Variants in CAPN7 observed in about 807,000 individuals in gnomAD.
The protein encoded by CAPN7 is calpain-7.
Under a neutral mutation model 115.2 loss-of-function variants are expected in CAPN7, and 72 were observed. The observed-to-expected ratio is 0.63, with a 90% CI of 0.52 to 0.76. The LOEUF (loss-of-function observed/expected upper bound fraction) is 0.76. CAPN7 is among the 30% of genes least tolerant of loss of function. CAPN7 has a pLI of 0.00. For missense variants in CAPN7, 905 were observed against 971.5 expected, an observed-to-expected ratio of 0.93 and a Z score of 0.91; for synonymous variants, 344 against 322.3, an observed-to-expected ratio of 1.07 and a Z score of -0.72.
intron 19 of CAPN7, among the ~76,000 whole-genome samples, chr3:15,250,391 G>A (rs1320790160): frequency 1.3e-5 from 2 of 150,908 alleles, no homozygotes; most frequent in African/African-American, 2.4e-5. Context: ...AAAAGAGGTC[G>A]GGCGCAGTGG....
rs745651342 is a variant in CAPN7 at position 15,245,538 on chromosome 3, C to T, written c.1877C>T (p.Pro626Leu). 30 of 1,613,574 alleles carry T rather than the reference C, an allele frequency of 1.9e-5. No homozygotes were observed. The East Asian group carries it at 2.5e-4, about 13-fold the overall frequency. The change falls in exon 17 of 21, where the codon CCA becomes CTA. Residue 626 changes from proline (P) to leucine (L), a missense_variant. Pro to Leu is a moderately conservative substitution (Grantham distance 98). Coordinates refer to ENST00000253693, the MANE Select transcript of CAPN7 (RefSeq NM_014296.3). ...KKVYYPADPP[P>L]YIDGIRINSP... The stretch of plus-strand genomic sequence containing the variant: ...TGTTTGTTTGCAGCTGACCCACCTC[C>T]ATACATTGATGGAATTCGAATTAAC...
chr3:15,206,594 C>A lies in CAPN7; in HGVS notation c.99C>A (p.Tyr33Ter), dbSNP rs776470320. ...GCTACTCCGAGGCGGTGTTTTATTA[C>A]AAGGTAGGGCCGGGCCCGGCGCTTC... ...EGRYSEAVFY[Y>*]KEAAQALIYA... is the part of the protein sequence containing the mutation. The change falls in exon 1 of 21, where the codon TAC (tyrosine) becomes TAA (stop). Residue 33 changes from tyrosine (Y) to a stop codon, truncating the protein, a stop_gained. Coordinates refer to ENST00000253693, the MANE Select transcript of CAPN7 (RefSeq NM_014296.3). LOFTEE classifies it high-confidence loss of function. 1.9e-6 allele frequency: 3 copies of A among 1,545,412 alleles called. No homozygotes were observed. Among genetic ancestry groups the A allele is most frequent in the Non-Finnish European group, 2.6e-6 (3 of 1,144,586 alleles).
rs185485067 is a variant in CAPN7, at chr3:15,250,938, A to G, written c.2212A>G (p.Ser738Gly). 4.2e-5 allele frequency: 68 copies of G among 1,604,084 alleles called. No individual in the cohort carries two copies. The Middle Eastern group carries it at 6.6e-4, about 16-fold the overall frequency. The change falls in exon 20 of 21, where the codon AGC (serine) becomes GGC (glycine). Residue 738 changes from serine to glycine, a missense_variant. By Grantham distance (56) the Ser-to-Gly change is moderately conservative (BLOSUM62 0). Around this residue, in one of 3 missense-constraint regions of CAPN7, gnomAD observed 620 missense variants for 703.4 expected, o/e 0.88. Transcript: ENST00000253693. Reference protein sequence around the residue: ...LIELRGPRQYSVGFEVVTVST... With the variant: ...LIELRGPRQYGVGFEVVTVST... Reference sequence around the variant, plus strand: ...GTTCATTTTAAATGCTAGGCAATATAGCGTTGGATTTGAGGTTGTAACAGT... The same window carrying G: ...GTTCATTTTAAATGCTAGGCAATATGGCGTTGGATTTGAGGTTGTAACAGT...
At chr3:15,233,780 G>C in intron 10 of CAPN7, 87 bp from the exon 11 acceptor site, 1 of 730,496 alleles carries the variant, frequency 1.4e-6, no homozygotes. Context: ...AAATCATTAT[G>C]CCAAATCAGT....
chr3:15,235,033 A>T lies in CAPN7; in HGVS notation c.1295A>T (p.Lys432Ile). 3.1e-6 allele frequency: 5 copies of T among 1,606,404 alleles called. No homozygotes were observed. Among genetic ancestry groups the T allele is most frequent in the Non-Finnish European group, 4.2e-6 (5 of 1,177,822 alleles). The change falls in exon 12 of 21, where the codon AAA becomes ATA. Residue 432 changes from lysine to isoleucine, a missense_variant. Lys to Ile is a moderately radical substitution (Grantham distance 102). Transcript: ENST00000253693. ...TTTGGGGTTCATTCCAGATTTCACA[A>T]AGGAGATGTCCTCATCACTGCGTCA... ...SFRMLYQRFH[K>I]GDVLITASTG...
At position 15,245,667 on chromosome 3, in the gene CAPN7, T is replaced by C. The variant is rs1272466534; in HGVS notation, c.2006T>C (p.Val669Ala). The part of the protein sequence containing the change: ...YEKQNTIHYT[V>A]RVYSACSFTF... ...AAACAGAACACAATCCATTACACGG[T>C]TCGGGTAAGTAAAACCAACACACAA... Residue 669 changes from valine (V) to alanine (A), a missense_variant, in exon 17 of 21, where the codon GTT (valine) becomes GCT (alanine). Transcript: ENST00000253693. The C allele has an allele frequency of 2.0e-5, 32 of 1,612,266 alleles. No homozygotes were observed. The Admixed American group carries it at 5.2e-4, about 26-fold the overall frequency.
At position 15,212,182 on chromosome 3, in the gene CAPN7, C is replaced by G; in HGVS notation, c.181C>G (p.Leu61Val). The G allele has an allele frequency of 1.9e-6, 3 of 1,607,876 alleles. No homozygotes were observed. The highest frequency in any genetic ancestry group is 1.7e-6 in the Non-Finnish European group (2 of 1,175,622). Reference protein sequence around the residue: ...ENIQEKITEYLERVQALHSAV... With the variant: ...ENIQEKITEYVERVQALHSAV... The stretch of plus-strand genomic sequence containing the variant: ...TATTCAAGAAAAAATAACTGAGTAT[C>G]TGGAAAGAGTTCAAGCTCTACATTC... Residue 61 changes from leucine (L) to valine (V), a missense_variant, in exon 2 of 21, where the codon CTG (leucine) becomes GTG (valine). Leu to Val is a conservative substitution (Grantham distance 32). Coordinates refer to ENST00000253693, the MANE Select transcript of CAPN7 (RefSeq NM_014296.3).
At position 15,241,605 on chromosome 3, in the gene CAPN7, A is replaced by G. The variant is rs896698416; in HGVS notation, c.1788+17A>G. On this transcript the variant is annotated intron_variant, in intron 15 of 20. Coordinates refer to ENST00000253693, the MANE Select transcript of CAPN7 (RefSeq NM_014296.3). ...ACAGACAAGGTACTGATACCCTTCT[A>G]ATGATATCCCATACAGAAATTTTTT... 1 of 1,605,382 alleles carries G rather than the reference A, an allele frequency of 6.2e-7. No homozygotes were observed. Among genetic ancestry groups the G allele is most frequent in the Non-Finnish European group, 8.5e-7 (1 of 1,175,346 alleles).
intron 2 of CAPN7, among the ~76,000 whole-genome samples, chr3:15,213,913 T>C (rs1174696501): frequency 6.6e-6 from 1 of 151,414 alleles, no homozygotes; most frequent in African/African-American, 2.4e-5. Flanking sequence ...GGAGTCTCGT[T>C]CTGTCTTCCA....
chr3:15,211,863 C>G (rs189556678), intron 1 of CAPN7, among the ~76,000 whole-genome samples: 1 of 152,170 alleles, frequency 6.6e-6, no homozygotes, highest in East Asian at 1.9e-4. Context: ...GCACTCCAGC[C>G]TGGGTGACAG....
chr3:15,227,641 G>T (rs1220360992), intron 6 of CAPN7, among the ~76,000 whole-genome samples, 198 bp from the exon 7 acceptor site: 2 of 151,524 alleles, frequency 1.3e-5, no homozygotes, highest in Non-Finnish European at 2.9e-5. Context: ...AATTATTTAG[G>T]TATATTTTTT....
At chr3:15,214,447 G>A (rs1335782707) in intron 2 of CAPN7, among the ~76,000 whole-genome samples, 1 of 152,058 alleles carries the variant, frequency 6.6e-6, no homozygotes, top group Non-Finnish European at 1.5e-5. Flanking sequence ...GTATAGGCCG[G>A]CACAGTGGCT....
chr3:15,210,340 A>G (rs970450039), intron 1 of CAPN7, among the ~76,000 whole-genome samples: 1 of 152,180 alleles, frequency 6.6e-6, no homozygotes, highest in Non-Finnish European at 1.5e-5. Context: ...TGAAGGGGCA[A>G]TATATGTGTA....
intron 19 of CAPN7, among the ~76,000 whole-genome samples, chr3:15,249,834 G>C (rs1017455249): frequency 2.7e-4 from 40 of 149,844 alleles, no homozygotes; most frequent in Non-Finnish European, 3.4e-4. Context: ...GTGTGATCTC[G>C]GCTCACTGCA....
chr3:15,212,170 A>G lies in CAPN7; in HGVS notation c.169A>G (p.Ile57Val), dbSNP rs760334490. ...GSSLENIQEK[I>V]TEYLERVQAL... ...AAGCCTAGAAAATATTCAAGAAAAA[A>G]TAACTGAGTATCTGGAAAGAGTTCA... Residue 57 changes from isoleucine (I) to valine (V), a missense_variant, in exon 2 of 21, where the codon ATA becomes GTA. Physicochemically the swap from Ile to Val is conservative, Grantham distance 29. This residue lies in a region of CAPN7 where 271 missense variants were observed against 239.6 expected (regional missense o/e 1.13). Transcript: ENST00000253693. 3.1e-6 allele frequency: 5 copies of G among 1,610,486 alleles called. No individual in the cohort carries two copies. The highest frequency in any genetic ancestry group is 4.2e-6 in the Non-Finnish European group (5 of 1,177,820).
chr3:15,250,882 G>A (rs368125628), intron 19 of CAPN7, 49 bp from the exon 20 acceptor site: 22 of 1,300,692 alleles, frequency 1.7e-5, no homozygotes, highest in South Asian at 6.2e-5. Flanking sequence ...TTTAAATCAC[G>A]TTTGAGAATA....
chr3:15,245,619 C>G lies in CAPN7; in HGVS notation c.1958C>G (p.Thr653Arg), dbSNP rs1310341171. 2 of 1,613,832 alleles carry G rather than the reference C, an allele frequency of 1.2e-6. No individual in the cohort carries two copies. The highest frequency in any genetic ancestry group is 8.5e-7 in the Non-Finnish European group (1 of 1,179,924). The change falls in exon 17 of 21, where the codon ACA becomes AGA. Residue 653 changes from threonine (T) to arginine (R), a missense_variant. Physicochemically the swap from Thr to Arg is moderately conservative, Grantham distance 71 (BLOSUM62 -1). Transcript: ENST00000253693. Reference sequence around the variant, plus strand: ...ACCACACCTGGCACCCATACCTTTACATTAGTGGTTTCTCAATATGAAAAA... The same window carrying G: ...ACCACACCTGGCACCCATACCTTTAGATTAGTGGTTTCTCAATATGAAAAA... ...KLTTPGTHTF[T>R]LVVSQYEKQN...
At chr3:15,234,993 C>CT (rs1694903756) in intron 11 of CAPN7, 32 bp from the exon 12 acceptor site, 12 of 1,581,364 alleles carry the variant, frequency 7.6e-6, no homozygotes, top group Non-Finnish European at 9.4e-6. Flanking sequence ...ATGTGTTTTA[C>CT]TTTAATTAAT....
At chr3:15,243,382 G>A (rs1383107723) in intron 16 of CAPN7, among the ~76,000 whole-genome samples, 1 of 152,196 alleles carries the variant, frequency 6.6e-6, no homozygotes, top group African/African-American at 2.4e-5. Flanking sequence ...CAGCTAGGCT[G>A]TTGGATTTTT....
Sources: allele counts gnomAD v4.1 joint callset (sites outside exome capture counted in the v4.1 genomes callset), GRCh38; gene constraint gnomAD v4.1.1; regional missense constraint gnomAD v4.1.1; transcripts MANE v1.5; gene names NCBI Gene and HGNC (gene_info 2026-07-23, HGNC 2026-07-21).